Variants in CIRSR observed in about 807,000 individuals in gnomAD.
CIRSR encodes the protein CBF1 (RBPJ) interacting corepressor 1.
At chr2:174,348,931 A>G in the CIRSR span, 2 of 1,613,988 alleles carry the variant, frequency 1.2e-6, no homozygotes, top group Non-Finnish European at 1.7e-6. Flanking sequence ...TTCTCTTCAG[A>G]ATCACTGTTG....
At chr2:174,357,499 A>G in the CIRSR span, among the ~76,000 whole-genome samples, 1 of 152,232 alleles carries the variant, frequency 6.6e-6, no homozygotes. Context: ...CAGTAATATA[A>G]CCATAAAAGT....
chr2:174,383,577 G>A, the CIRSR span, among the ~76,000 whole-genome samples: 14 of 151,622 alleles, frequency 9.2e-5, no homozygotes, highest in Non-Finnish European at 1.5e-4. Context: ...AAAATTAGCC[G>A]GGCGTGGTGG....
At chr2:174,370,164 G>C in the CIRSR span, 1 of 957,160 alleles carries the variant, frequency 1.0e-6, no homozygotes, top group Non-Finnish European at 1.5e-6. Flanking sequence ...AGGAGAGCTA[G>C]CACTCCCAGC....
chr2:174,355,673 T>G, the CIRSR span, among the ~76,000 whole-genome samples: 4 of 152,190 alleles, frequency 2.6e-5, no homozygotes, highest in Non-Finnish European at 4.4e-5. Context: ...CTATACAAAA[T>G]TATGTGTGTA....
At chr2:174,391,227 G>A in the CIRSR span, among the ~76,000 whole-genome samples, 6 of 152,164 alleles carry the variant, frequency 3.9e-5, no homozygotes, top group African/African-American at 9.7e-5. Context: ...AAAGGATCAA[G>A]GCATGGCCAA....
the CIRSR span, among the ~76,000 whole-genome samples, chr2:174,359,234 G>A: frequency 1.3e-5 from 2 of 151,754 alleles, no homozygotes; most frequent in Non-Finnish European, 2.9e-5. Context: ...GCATTTTCTA[G>A]GGTGATGGCA....
At chr2:174,365,572 G>T in the CIRSR span, among the ~76,000 whole-genome samples, 5 of 152,186 alleles carry the variant, frequency 3.3e-5, no homozygotes, top group African/African-American at 4.8e-5. Context: ...AGTTCCATGT[G>T]GCTGGGGAAG....
the CIRSR span, among the ~76,000 whole-genome samples, chr2:174,391,321 C>A: frequency 6.6e-6 from 1 of 152,086 alleles, no homozygotes; most frequent in African/African-American, 2.4e-5. Flanking sequence ...GTAAGTAGTT[C>A]AATATTACTA....
At chr2:174,373,589 C>T in the CIRSR span, among the ~76,000 whole-genome samples, 18 of 152,094 alleles carry the variant, frequency 1.2e-4, 1 homozygote, top group South Asian at 3.3e-3. Flanking sequence ...CTGTTTCTTT[C>T]CAGTCCTAAT....
the CIRSR span, among the ~76,000 whole-genome samples, chr2:174,360,019 TCGGA>T: frequency 3.3e-5 from 5 of 151,920 alleles, no homozygotes; most frequent in African/African-American, 9.7e-5. Flanking sequence ...ATGAGAACAC[TCGGA>T]CACAGGAAAG....
the CIRSR span, among the ~76,000 whole-genome samples, chr2:174,370,400 C>G: frequency 6.6e-6 from 1 of 152,128 alleles, no homozygotes; most frequent in Non-Finnish European, 1.5e-5. Context: ...AATAAATCTG[C>G]AATTCAAACA....
At chr2:174,384,697 A>G in the CIRSR span, among the ~76,000 whole-genome samples, 1 of 152,104 alleles carries the variant, frequency 6.6e-6, no homozygotes, top group Non-Finnish European at 1.5e-5. Context: ...GATTACAGGC[A>G]TAAGCCATTG....
chr2:174,349,808 G>A, the CIRSR span, among the ~76,000 whole-genome samples: 1 of 151,996 alleles, frequency 6.6e-6, no homozygotes, highest in East Asian at 1.9e-4. Context: ...CCTGTGAAAG[G>A]TGTGTAACAT....
chr2:174,349,049 G>A, the CIRSR span: 3 of 1,487,650 alleles, frequency 2.0e-6, no homozygotes, highest in Middle Eastern at 1.8e-4. Flanking sequence ...TAGAGGAAGA[G>A]GAGGAGGAGG....
chr2:174,362,256 C>T, the CIRSR span, among the ~76,000 whole-genome samples: 114 of 151,990 alleles, frequency 7.5e-4, no homozygotes, highest in Non-Finnish European at 1.3e-3. Context: ...CAGTGAGCTG[C>T]GACTGTGCCA....
chr2:174,351,682 G>GT, the CIRSR span: 2 of 1,613,640 alleles, frequency 1.2e-6, no homozygotes, highest in Non-Finnish European at 1.7e-6. Flanking sequence ...CAAACCCACT[G>GT]TTTCTCATCT....
the CIRSR span, chr2:174,381,672 A>G: frequency 2.6e-6 from 4 of 1,536,306 alleles, no homozygotes; most frequent in South Asian, 1.2e-5. Flanking sequence ...AAAAAAAAAG[A>G]AAGAAAAAAA....
chr2:174,395,664 G>C, the CIRSR span: 4 of 1,614,072 alleles, frequency 2.5e-6, no homozygotes, highest in Non-Finnish European at 3.4e-6. Flanking sequence ...AGATCTGTTA[G>C]CAACGTAAAC....
the CIRSR span, among the ~76,000 whole-genome samples, chr2:174,364,539 G>T: frequency 6.6e-6 from 1 of 152,226 alleles, no homozygotes; most frequent in East Asian, 1.9e-4. Flanking sequence ...TGCCCTAGCA[G>T]AGGTTCTCCA....
Sources: gnomAD v4.1 joint callset for allele counts (sites outside exome capture counted in the v4.1 genomes callset) on GRCh38, gnomAD v4.1.1 for gene constraint, MANE v1.5 for transcripts, NCBI Gene and HGNC (gene_info 2026-07-23, HGNC 2026-07-21) for gene names.